Variants in FRK observed in about 807,000 individuals in gnomAD.
FRK encodes the protein tyrosine-protein kinase FRK.
FRK carries 51 observed loss-of-function variants against 56.4 expected under a neutral mutation model. The ratio of observed to expected loss-of-function variants is 0.90; its 90% CI spans 0.72 to 1.14. The LOEUF (loss-of-function observed/expected upper bound fraction) is 1.14, where lower values mean the gene tolerates loss of function less well. Ranked by LOEUF, FRK falls within the 50% of genes most tolerant of loss-of-function variation. FRK has a pLI of 0.00. For synonymous variants in FRK, 245 were observed against 217.9 expected (o/e 1.12, Z -1.10); for missense variants, 570 against 601.4 (o/e 0.95, Z 0.55).
At chr6:115,994,330 C>CT (rs1323269088) in intron 2 of FRK, among the ~76,000 whole-genome samples, 1 of 105,792 alleles carries the variant, frequency 9.5e-6, no homozygotes, top group African/African-American at 3.2e-5. Flanking sequence ...AACCTCCCCC[C>CT]CCCCCGCCTT....
the FRK span, among the ~76,000 whole-genome samples, chr6:116,076,619 A>T: frequency 0.18 from 27,152 of 152,130 alleles, 2,892 homozygotes; most frequent in African/African-American, 0.29. Context: ...GTCTAATATC[A>T]TTGTTGCACT....
chr6:116,011,030 A>C (rs1174314221), intron 1 of FRK, among the ~76,000 whole-genome samples: 1 of 152,210 alleles, frequency 6.6e-6, no homozygotes. Flanking sequence ...AAAAAGGGAA[A>C]GGAGAGCTGT....
intron 1 of FRK, among the ~76,000 whole-genome samples, chr6:116,022,525 T>C (rs1388664708): frequency 2.0e-5 from 3 of 152,158 alleles, no homozygotes; most frequent in East Asian, 1.9e-4. Flanking sequence ...ATTGACCATG[T>C]TGATGAATTG....
chr6:115,983,447 T>C (rs902530260), intron 2 of FRK, among the ~76,000 whole-genome samples: 8 of 152,320 alleles, frequency 5.3e-5, no homozygotes, highest in East Asian at 3.9e-4. Flanking sequence ...GTCTATTCTA[T>C]GACTGACACC....
intron 1 of FRK, among the ~76,000 whole-genome samples, chr6:116,007,108 C>T (rs999700098): frequency 2.6e-5 from 4 of 152,180 alleles, no homozygotes; most frequent in African/African-American, 7.2e-5. Context: ...TCTTAATCAA[C>T]TCAATGCATT....
At chr6:115,993,332 T>A (rs1011527172) in intron 2 of FRK, among the ~76,000 whole-genome samples, 2 of 151,912 alleles carry the variant, frequency 1.3e-5, no homozygotes, top group Admixed American at 1.3e-4. Context: ...TATGTTTTTA[T>A]TGAGTTTTGA....
intron 1 of FRK, among the ~76,000 whole-genome samples, chr6:116,035,110 A>G (rs1776426676): frequency 6.6e-6 from 1 of 152,066 alleles, no homozygotes; most frequent in Non-Finnish European, 1.5e-5. Context: ...GAAGAAAAAA[A>G]TAGGACCCTG....
intron 2 of FRK, among the ~76,000 whole-genome samples, chr6:115,976,636 C>T (rs1025795131): frequency 6.6e-6 from 1 of 152,124 alleles, no homozygotes; most frequent in South Asian, 2.1e-4. Flanking sequence ...AATATGACTT[C>T]ATTGATTGAG....
chr6:116,038,973 T>C lies in FRK; in HGVS notation c.344+20995A>G, dbSNP rs369713943. 1.1e-4 allele frequency: 75 copies of C among 702,012 alleles called. No individual in the cohort carries two copies. In the East Asian group the frequency reaches 2.1e-3, roughly 19 times the overall value. The allele number at this position is 702,012 out of a possible 1,614,324, so 43.5% of individuals were successfully genotyped here. ...CTGCTACAAAGTAACTAACGGGGCCTTTACTTGGGAGATCAGCCCTGGCAT... is the reference window on the plus strand; with the variant it reads ...CTGCTACAAAGTAACTAACGGGGCCCTTACTTGGGAGATCAGCCCTGGCAT... On this transcript the variant is annotated intron_variant, in intron 1 of 7. Coordinates refer to ENST00000606080, the MANE Select transcript of FRK (RefSeq NM_002031.3).
At position 116,059,953 on chromosome 6, in the gene FRK, GTT is replaced by G; in HGVS notation, c.344+13_344+14del. 6.2e-7 allele frequency: 1 copy of G among 1,600,978 alleles called. No individual in the cohort carries two copies. Among genetic ancestry groups the G allele is most frequent in the Non-Finnish European group, 8.5e-7 (1 of 1,169,722 alleles). On this transcript the variant is annotated intron_variant, in intron 1 of 7. Coordinates refer to ENST00000606080, the MANE Select transcript of FRK (RefSeq NM_002031.3). ...CAGAGAGTTCAGAAATTAAGTATAA[GTT>G]TGTACTACTCACGGCTCTGCCTGTA...
the FRK span, among the ~76,000 whole-genome samples, chr6:116,075,281 A>T: frequency 6.6e-6 from 1 of 152,102 alleles, no homozygotes; most frequent in Non-Finnish European, 1.5e-5. Flanking sequence ...TCTTATGCCC[A>T]AGTCCTCATC....
chr6:116,061,005 G>C (rs963356019), upstream of FRK, among the ~76,000 whole-genome samples: 2 of 152,188 alleles, frequency 1.3e-5, no homozygotes, highest in Non-Finnish European at 2.9e-5. Context: ...TTACCAAACT[G>C]TTAAAGCAGC....
At chr6:115,999,407 C>T (rs1008869572) in intron 2 of FRK, among the ~76,000 whole-genome samples, 4 of 152,154 alleles carry the variant, frequency 2.6e-5, no homozygotes, top group African/African-American at 9.7e-5. Context: ...TTCAGATCTA[C>T]TCAGACCTCA....
the FRK span, among the ~76,000 whole-genome samples, chr6:116,083,520 T>A: frequency 1.3e-5 from 2 of 152,200 alleles, no homozygotes; most frequent in African/African-American, 4.8e-5. Context: ...AAGGGTTAGC[T>A]TTACCTAAAA....
In FRK at chr6:116,039,097, T is replaced by C. The variant is rs373011452; in HGVS notation, c.344+20871A>G. 3.6e-4 allele frequency: 287 copies of C among 796,434 alleles called. No homozygotes were observed. In the African/African-American group the frequency reaches 4.1e-3, roughly 11 times the overall value. The allele number at this position is 796,434 out of a possible 1,614,324, so 49.3% of individuals were successfully genotyped here. A position where few individuals can be genotyped will look rare whatever the true frequency, so the allele number is the denominator to read the frequency against. On this transcript the variant is annotated intron_variant, in intron 1 of 7. Transcript: ENST00000606080. ...AGCTGATTGGGCAGAAAGTGGCCCATGCTCTGGCAAAGGGACTCAGAGTAA... is the reference window on the plus strand; with the variant it reads ...AGCTGATTGGGCAGAAAGTGGCCCACGCTCTGGCAAAGGGACTCAGAGTAA...
chr6:115,942,920 G>C (rs1170883779), intron 7 of FRK, 100 bp downstream of exon 7: 1 of 1,167,778 alleles, frequency 8.6e-7, no homozygotes, highest in African/African-American at 1.6e-5. Flanking sequence ...GGTATGGTCA[G>C]CCTCATAACT....
Position 115,991,870 on chromosome 6 carries a change from G to C in FRK, c.466+12007C>G, listed in dbSNP as rs574783912. Among the ~76,000 whole-genome samples, 12 of 151,658 alleles carry C rather than the reference G, an allele frequency of 7.9e-5. No homozygotes were observed. In the East Asian group the frequency reaches 2.3e-3, roughly 29 times the overall value. ...ATGCTAGCTCTTCTTTGTATGTCTAGTATAACTTAGCTGTGAATCTGTCTG... is the reference window on the plus strand; with the variant it reads ...ATGCTAGCTCTTCTTTGTATGTCTACTATAACTTAGCTGTGAATCTGTCTG... On this transcript the variant is annotated intron_variant, in intron 2 of 7. Coordinates refer to ENST00000606080, the MANE Select transcript of FRK (RefSeq NM_002031.3).
chr6:116,056,558 C>T (rs1777407919), intron 1 of FRK, among the ~76,000 whole-genome samples: 1 of 152,110 alleles, frequency 6.6e-6, no homozygotes, highest in Non-Finnish European at 1.5e-5. Context: ...CAATATTTTG[C>T]AATACTTGAA....
At chr6:116,037,248 T>A (rs901475255) in intron 1 of FRK, among the ~76,000 whole-genome samples, 5 of 152,180 alleles carry the variant, frequency 3.3e-5, no homozygotes, top group African/African-American at 9.7e-5. Flanking sequence ...TAATTTTAGG[T>A]CCCTGAAGTC....
Sources: allele counts gnomAD v4.1 joint callset (sites outside exome capture counted in the v4.1 genomes callset), GRCh38; gene constraint gnomAD v4.1.1; transcripts MANE v1.5; gene names NCBI Gene and HGNC (gene_info 2026-07-23, HGNC 2026-07-21).